Variants in GPC5 observed in about 807,000 individuals in gnomAD.
The protein encoded by GPC5 is glypican-5.
In GPC5, 47 loss-of-function variants were observed where a neutral mutation model predicts 53.9. That is an observed-to-expected ratio of 0.87 (90% confidence interval 0.69 to 1.11). The LOEUF (loss-of-function observed/expected upper bound fraction) is 1.11. Among genes scored for constraint, GPC5 ranks in the 50% most tolerant of loss-of-function variants. GPC5 has a pLI of 0.00. For missense variants in GPC5, 748 were observed against 713.1 expected, an observed-to-expected ratio of 1.05 and a Z score of -0.56; for synonymous variants, 286 against 263.3, an observed-to-expected ratio of 1.09 and a Z score of -0.84.
At chr13:91,627,500 T>G (rs918988080) in intron 2 of GPC5, among the ~76,000 whole-genome samples, 2 of 152,046 alleles carry the variant, frequency 1.3e-5, no homozygotes, top group African/African-American at 2.4e-5. Context: ...ACACCTTAGA[T>G]TGTAATTGTC....
At chr13:91,435,233 C>T (rs991748608) in intron 1 of GPC5, among the ~76,000 whole-genome samples, 10 of 151,976 alleles carry the variant, frequency 6.6e-5, no homozygotes, top group East Asian at 1.9e-4. Flanking sequence ...TGTTGATAGG[C>T]GTGGTGAGAG....
At chr13:92,419,127 A>C (rs4773682) in intron 7 of GPC5, among the ~76,000 whole-genome samples, 93,072 of 151,980 alleles carry the variant, frequency 0.61, 28,692 homozygotes, top group East Asian at 0.74. Context: ...TAAGCTGCAG[A>C]AACTCATTTA....
At chr13:91,721,064 C>CCTTTCTTTCTTTCTTT (rs746835528) in intron 3 of GPC5, among the ~76,000 whole-genome samples, 9 of 122,252 alleles carry the variant, frequency 7.4e-5, no homozygotes, top group East Asian at 5.0e-4. Flanking sequence ...TCCTTCCTTC[C>CCTTTCTTTCTTTCTTT]CTTTCTTTCT....
intron 7 of GPC5, among the ~76,000 whole-genome samples, chr13:92,360,607 A>C (rs2043557989): frequency 6.6e-6 from 1 of 151,634 alleles, no homozygotes; most frequent in South Asian, 2.1e-4. Context: ...TATTCAACAT[A>C]GTATTGGAAG....
chr13:92,184,428 G>T (rs2042169877), intron 7 of GPC5, among the ~76,000 whole-genome samples: 1 of 152,068 alleles, frequency 6.6e-6, no homozygotes, highest in Non-Finnish European at 1.5e-5. Context: ...CTCTCTGAGG[G>T]TCTCAGCTTT....
At position 91,810,859 on chromosome 13, in the gene GPC5, T is replaced by A. The variant is rs1211652222; in HGVS notation, c.1280+54439T>A. On this transcript the variant is annotated intron_variant, in intron 5 of 7. Transcript: ENST00000377067. The stretch of plus-strand genomic sequence containing the variant: ...TCTTAATCTAATATTTAATACTTTA[T>A]CACTTAATAGGATTTTGAGGAACAC... Among the ~76,000 whole-genome samples the A allele has an allele frequency of 4.6e-5, 7 of 151,524 alleles. No homozygotes were observed. In the South Asian group the frequency reaches 1.0e-3, roughly 22 times the overall value.
intron 7 of GPC5, among the ~76,000 whole-genome samples, chr13:92,424,807 CATCT>C (rs760560423): frequency 1.8e-4 from 14 of 79,232 alleles, no homozygotes; most frequent in East Asian, 1.2e-3. Flanking sequence ...AATCAATATT[CATCT>C]ATTCATTCAT....
At chr13:92,628,019 T>A (rs537087257) in intron 7 of GPC5, among the ~76,000 whole-genome samples, 2 of 152,136 alleles carry the variant, frequency 1.3e-5, no homozygotes, top group African/African-American at 4.8e-5. Context: ...CTTTTCTCAT[T>A]TGAGTGTATT....
chr13:92,271,715 A>G (rs995196515), intron 7 of GPC5, among the ~76,000 whole-genome samples: 1 of 152,166 alleles, frequency 6.6e-6, no homozygotes, highest in African/African-American at 2.4e-5. Flanking sequence ...AGAGTCAGAA[A>G]GAAGGTAGAG....
At chr13:92,198,405 T>G (rs1368013916) in intron 7 of GPC5, among the ~76,000 whole-genome samples, 1 of 152,224 alleles carries the variant, frequency 6.6e-6, no homozygotes, top group African/African-American at 2.4e-5. Context: ...ATGCTCCTTA[T>G]TAATTAATAA....
chr13:91,591,793 T>G (rs1156271715), intron 2 of GPC5, among the ~76,000 whole-genome samples: 1 of 152,228 alleles, frequency 6.6e-6, no homozygotes, highest in Non-Finnish European at 1.5e-5. Flanking sequence ...AAGTTCAGTT[T>G]TGTTCCTTCT....
chr13:91,575,664 G>C (rs2032105083), intron 2 of GPC5, among the ~76,000 whole-genome samples: 1 of 152,012 alleles, frequency 6.6e-6, no homozygotes, highest in South Asian at 2.1e-4. Flanking sequence ...CTCTGTGTAT[G>C]TTAATTAGAA....
intron 5 of GPC5, among the ~76,000 whole-genome samples, chr13:91,889,785 C>T (rs2039365199): frequency 6.6e-6 from 1 of 152,152 alleles, no homozygotes; most frequent in Non-Finnish European, 1.5e-5. Context: ...AACAGACATA[C>T]TACTTGACCT....
chr13:91,797,361 T>C (rs1033023537), intron 5 of GPC5, among the ~76,000 whole-genome samples: 1 of 152,188 alleles, frequency 6.6e-6, no homozygotes, highest in African/African-American at 2.4e-5. Context: ...GAAAAACTTA[T>C]TTTTAGCAGT....
chr13:91,745,193 C>T (rs345477), intron 4 of GPC5, among the ~76,000 whole-genome samples: 111,458 of 151,920 alleles, frequency 0.73, 40,979 homozygotes, highest in Middle Eastern at 0.82. Flanking sequence ...TTTGAAAACC[C>T]AGTTTTGATA....
In GPC5 at chr13:91,488,320, T is replaced by G. The variant is rs185684021; in HGVS notation, c.325+39398T>G. 2.0e-5 allele frequency among the ~76,000 whole-genome samples: 3 copies of G among 152,286 alleles called. No homozygotes were observed. In the East Asian group the frequency reaches 5.8e-4, roughly 29 times the overall value. ...TAAACTAACCCGCTTGTAAGTTTCT[T>G]TATAATTCCAAAAAAATGTCATTTG... On this transcript the variant is annotated intron_variant, in intron 2 of 7. Coordinates refer to ENST00000377067, the MANE Select transcript of GPC5 (RefSeq NM_004466.6).
At chr13:92,281,380 G>C (rs1467372923) in intron 7 of GPC5, among the ~76,000 whole-genome samples, 1 of 152,206 alleles carries the variant, frequency 6.6e-6, no homozygotes, top group Non-Finnish European at 1.5e-5. Context: ...GTCCCTGTCT[G>C]ACAGCTTTGA....
At chr13:92,242,488 ATCT>A (rs768645243) in intron 7 of GPC5, among the ~76,000 whole-genome samples, 3 of 152,008 alleles carry the variant, frequency 2.0e-5, no homozygotes, top group Admixed American at 6.6e-5. Context: ...CTATAGAAAA[ATCT>A]TCTTCATTTT....
At chr13:92,054,649 A>G (rs962677745) in intron 6 of GPC5, among the ~76,000 whole-genome samples, 2 of 152,334 alleles carry the variant, frequency 1.3e-5, no homozygotes, top group South Asian at 2.1e-4. Context: ...CACTTGACAA[A>G]GTAGAATATA....
Sources: allele counts gnomAD v4.1 joint callset (sites outside exome capture counted in the v4.1 genomes callset), GRCh38; gene constraint gnomAD v4.1.1; transcripts MANE v1.5; gene names NCBI Gene and HGNC (gene_info 2026-07-23, HGNC 2026-07-21).